ESRRB: variants seen among roughly 807,000 people sequenced by gnomAD.
The protein encoded by ESRRB is steroid hormone receptor ERR2.
Under a neutral mutation model 46.0 loss-of-function variants are expected in ESRRB, and 16 were observed. The observed-to-expected ratio is 0.35, with a 90% confidence interval of 0.24 to 0.53. The LOEUF is 0.53. Ranked by LOEUF, ESRRB falls within the 20% of genes least tolerant of loss-of-function variation. The probability of loss-of-function intolerance (pLI) is 0.93; values close to 1 mark genes in which losing one functional copy is unlikely to be tolerated. For synonymous variants in ESRRB, 246 were observed against 259.6 expected (o/e 0.95, Z 0.50); for missense variants, 488 against 607.4 (o/e 0.80, Z 2.07).
chr14:76,356,351 T>A (rs1223718216), intron 1 of ESRRB, among the ~76,000 whole-genome samples: 1 of 152,162 alleles, frequency 6.6e-6, no homozygotes, highest in African/African-American at 2.4e-5. Flanking sequence ...TATGAACCCA[T>A]TTAATCTCAC....
intron 1 of ESRRB, among the ~76,000 whole-genome samples, chr14:76,365,533 C>T (rs1336008688): frequency 2.0e-5 from 3 of 152,102 alleles, no homozygotes. Context: ...ATTGTTTGAA[C>T]GCAGGGGTAT....
At chr14:76,389,261 G>C (rs546914031) in intron 1 of ESRRB, among the ~76,000 whole-genome samples, 2 of 152,240 alleles carry the variant, frequency 1.3e-5, no homozygotes, top group African/African-American at 4.8e-5. Flanking sequence ...CTTCTCCCTG[G>C]GGGAATTAGT....
intron 1 of ESRRB, among the ~76,000 whole-genome samples, chr14:76,329,788 G>A (rs1883980443): frequency 6.6e-6 from 1 of 152,064 alleles, no homozygotes; most frequent in Non-Finnish European, 1.5e-5. Flanking sequence ...TCCCTAATTA[G>A]CAATCTCTTC....
At chr14:76,363,831 G>A (rs911326477) in intron 1 of ESRRB, among the ~76,000 whole-genome samples, 34 of 152,340 alleles carry the variant, frequency 2.2e-4, no homozygotes, top group Non-Finnish European at 4.3e-4. Flanking sequence ...TTGAAGTAAC[G>A]TAGTAGAATT....
At chr14:76,409,046 A>G (rs981609096) in intron 1 of ESRRB, among the ~76,000 whole-genome samples, 1 of 152,132 alleles carries the variant, frequency 6.6e-6, no homozygotes, top group African/African-American at 2.4e-5. Flanking sequence ...CCACTCACCA[A>G]TGGGCACTTA....
chr14:76,322,067 A>T (rs140167558), intron 1 of ESRRB, among the ~76,000 whole-genome samples: 2 of 152,114 alleles, frequency 1.3e-5, no homozygotes, highest in African/African-American at 4.8e-5. Context: ...TATCATTTAC[A>T]TGTATATTGA....
intron 1 of ESRRB, among the ~76,000 whole-genome samples, chr14:76,387,175 C>A (rs949256356): frequency 6.6e-6 from 1 of 152,216 alleles, no homozygotes; most frequent in African/African-American, 2.4e-5. Flanking sequence ...TGAAGCAGAG[C>A]TAGTTGAGAG....
intron 1 of ESRRB, among the ~76,000 whole-genome samples, chr14:76,418,099 A>G (rs1454509089): frequency 1.3e-5 from 2 of 151,392 alleles, no homozygotes; most frequent in Admixed American, 6.6e-5. Flanking sequence ...GGGATTACAG[A>G]CGCCCGCCAC....
intron 1 of ESRRB, among the ~76,000 whole-genome samples, chr14:76,365,363 C>T (rs951925047): frequency 6.6e-6 from 1 of 152,172 alleles, no homozygotes; most frequent in Non-Finnish European, 1.5e-5. Context: ...CCTGTGGTCC[C>T]AGCTACACGG....
At chr14:76,485,871 C>T (rs1367462132) in intron 5 of ESRRB, among the ~76,000 whole-genome samples, 1 of 152,146 alleles carries the variant, frequency 6.6e-6, no homozygotes, top group East Asian at 1.9e-4. Context: ...GGGCATTGCA[C>T]ACTTAGCTTT....
At chr14:76,354,802 T>A (rs1884359467) in intron 1 of ESRRB, among the ~76,000 whole-genome samples, 1 of 148,608 alleles carries the variant, frequency 6.7e-6, no homozygotes, top group Non-Finnish European at 1.5e-5. Flanking sequence ...CTCCACCACC[T>A]GGGTTCAAGA....
intron 3 of ESRRB, among the ~76,000 whole-genome samples, chr14:76,467,501 A>C (rs1889168095): frequency 2.5e-5 from 1 of 40,328 alleles, no homozygotes. Context: ...CCTCTGTCTC[A>C]AAAAAAAAAA....
At chr14:76,387,985 G>A (rs1432901254) in intron 1 of ESRRB, among the ~76,000 whole-genome samples, 1 of 152,086 alleles carries the variant, frequency 6.6e-6, no homozygotes, top group Non-Finnish European at 1.5e-5. Context: ...ATCCTAGGAA[G>A]TAGGTATTAT....
At chr14:76,438,948 C>T (rs1887788474) in intron 1 of ESRRB, among the ~76,000 whole-genome samples, 1 of 149,312 alleles carries the variant, frequency 6.7e-6, no homozygotes, top group Non-Finnish European at 1.5e-5. Flanking sequence ...TACAGGCATA[C>T]ACCATCATGC....
intron 3 of ESRRB, among the ~76,000 whole-genome samples, chr14:76,475,528 T>C (rs1348458034): frequency 2.0e-5 from 3 of 152,258 alleles, no homozygotes; most frequent in African/African-American, 7.2e-5. Flanking sequence ...TAACATTTCA[T>C]GTATATACCA....
intron 1 of ESRRB, among the ~76,000 whole-genome samples, chr14:76,313,614 C>T (rs1339789866): frequency 3.3e-5 from 5 of 152,112 alleles, no homozygotes; most frequent in Non-Finnish European, 7.3e-5. Flanking sequence ...GAAAGTGCTC[C>T]CCTAATTCAA....
chr14:76,397,725 C>T (rs898839642), intron 1 of ESRRB, among the ~76,000 whole-genome samples: 2 of 152,010 alleles, frequency 1.3e-5, no homozygotes, highest in East Asian at 1.9e-4. Context: ...GGCAATGTAG[C>T]GAGACCTTGT....
At chr14:76,433,401 G>A (rs1384352267) in intron 1 of ESRRB, among the ~76,000 whole-genome samples, 3 of 152,170 alleles carry the variant, frequency 2.0e-5, no homozygotes, top group Non-Finnish European at 4.4e-5. Context: ...CAGTAGGACC[G>A]AGATTGCTCA....
At chr14:76,470,290 C>CACAAA (rs1362692158) in intron 3 of ESRRB, among the ~76,000 whole-genome samples, 7 of 152,112 alleles carry the variant, frequency 4.6e-5, no homozygotes, top group African/African-American at 1.2e-4. Context: ...TTTTTCCCTC[C>CACAAA]ACAAACCAAA....
Sources: allele counts gnomAD v4.1 joint callset (sites outside exome capture counted in the v4.1 genomes callset), GRCh38; gene constraint gnomAD v4.1.1; transcripts MANE v1.5; gene names NCBI Gene and HGNC (gene_info 2026-07-23, HGNC 2026-07-21).